CDH3: variants seen among roughly 807,000 people sequenced by gnomAD.
CDH3 encodes the protein cadherin 3, also known as cadherin-3.
CDH3 carries 54 observed loss-of-function variants against 82.0 expected under a neutral mutation model. That is an observed-to-expected ratio of 0.66 (90% CI 0.53 to 0.83). The LOEUF (loss-of-function observed/expected upper bound fraction) is 0.83. Ranked by LOEUF, CDH3 falls within the 40% of genes least tolerant of loss-of-function variation. The pLI, the probability that CDH3 is intolerant of heterozygous loss-of-function variation, is 0.00. For synonymous variants in CDH3, 446 were observed against 437.9 expected (o/e 1.02, Z -0.23); for missense variants, 1,054 against 1,084.6 (o/e 0.97, Z 0.40).
intron 2 of CDH3, among the ~76,000 whole-genome samples, chr16:68,669,684 A>G (rs551087044): frequency 1.1e-3 from 164 of 152,174 alleles, no homozygotes; most frequent in Admixed American, 2.2e-3. Context: ...AGGGGAGTCA[A>G]TCCATTAGCC....
intron 2 of CDH3, among the ~76,000 whole-genome samples, chr16:68,724,839 G>C (rs1213460719): frequency 1.3e-5 from 2 of 152,172 alleles, no homozygotes; most frequent in African/African-American, 4.8e-5. Context: ...GGTAAAATCA[G>C]AGAGCCCTTT....
At chr16:68,669,831 A>G (rs996078501) in intron 2 of CDH3, among the ~76,000 whole-genome samples, 15 of 152,212 alleles carry the variant, frequency 9.9e-5, no homozygotes, top group African/African-American at 2.9e-4. Flanking sequence ...TAGGATTGAG[A>G]AAAGTGGCCA....
At chr16:68,685,757 A>G (rs527245061) in intron 11 of CDH3, among the ~76,000 whole-genome samples, 1 of 152,240 alleles carries the variant, frequency 6.6e-6, no homozygotes, top group Non-Finnish European at 1.5e-5. Context: ...CAGTGAGCCA[A>G]GATCGTGCCA....
chr16:68,654,607 G>A (rs1160605254), intron 2 of CDH3, among the ~76,000 whole-genome samples: 1 of 144,396 alleles, frequency 6.9e-6, no homozygotes, highest in African/African-American at 2.5e-5. Flanking sequence ...GGAGGGTGAG[G>A]CAGGAGAATC....
downstream of CDH3, among the ~76,000 whole-genome samples, chr16:68,731,541 T>C (rs35003649): frequency 0.089 from 959 of 10,754 alleles, 95 homozygotes; most frequent in Middle Eastern, 0.17. Flanking sequence ...CACACACACA[T>C]ATATATATAT....
intron 1 of CDH3, among the ~76,000 whole-genome samples, chr16:68,718,570 T>C (rs1962120745): frequency 6.6e-6 from 1 of 152,006 alleles, no homozygotes; most frequent in Non-Finnish European, 1.5e-5. Context: ...TAACCCCAGC[T>C]ACTCGGGAGG....
At chr16:68,660,918 C>T (rs1960554847) in intron 2 of CDH3, among the ~76,000 whole-genome samples, 1 of 151,096 alleles carries the variant, frequency 6.6e-6, no homozygotes, top group Admixed American at 6.6e-5. Context: ...GAGATCCCGC[C>T]ACTGCACCCC....
intron 1 of CDH3, among the ~76,000 whole-genome samples, chr16:68,715,983 C>T (rs1295878236): frequency 6.6e-6 from 1 of 152,154 alleles, no homozygotes; most frequent in East Asian, 1.9e-4. Flanking sequence ...TAAGACTAAG[C>T]ATTGGCCAGG....
chr16:68,703,815 T>C (rs1188260822), downstream of CDH3, among the ~76,000 whole-genome samples: 1 of 151,856 alleles, frequency 6.6e-6, no homozygotes, highest in Non-Finnish European at 1.5e-5. Flanking sequence ...GGCATGGTGG[T>C]GCGTGCCTGT....
downstream of CDH3, among the ~76,000 whole-genome samples, chr16:68,729,037 G>T (rs1962256661): frequency 6.6e-6 from 1 of 152,172 alleles, no homozygotes; most frequent in South Asian, 2.1e-4. Flanking sequence ...GGGCACAGTG[G>T]CTCACACCTG....
intron 6 of CDH3, 134 bp downstream of exon 6, chr16:68,679,040 C>G (rs951291804): frequency 7.5e-5 from 66 of 885,822 alleles, no homozygotes; most frequent in Middle Eastern, 5.7e-4. Context: ...GATTTCCCCC[C>G]TTCCATCCCA....
chr16:68,678,867 G>A lies in CDH3; in HGVS notation c.652G>A (p.Asp218Asn). 6.2e-7 allele frequency: 1 copy of A among 1,614,040 alleles called. No homozygotes were observed. The highest frequency in any genetic ancestry group is 1.1e-5 in the South Asian group (1 of 91,080). The change falls in exon 6 of 16, where the codon GAC (aspartate) becomes AAC (asparagine). Residue 218 changes from aspartate (D) to asparagine (N), a missense_variant. Transcript: ENST00000264012. Reference sequence around the variant, plus strand: ...TGACCACAAGCCCAAGTTTACCCAGGACACCTTCCGAGGGAGTGTCTTAGA... The same window carrying A: ...TGACCACAAGCCCAAGTTTACCCAGAACACCTTCCGAGGGAGTGTCTTAGA... ...QNDHKPKFTQ[D>N]TFRGSVLEGV...
At chr16:68,650,037 G>GAA (rs370091979) in intron 2 of CDH3, among the ~76,000 whole-genome samples, 1 of 141,718 alleles carries the variant, frequency 7.1e-6, no homozygotes. Flanking sequence ...CCGCCTCAAA[G>GAA]AAAAAAAAAA....
intron 1 of CDH3, among the ~76,000 whole-genome samples, chr16:68,722,238 G>A (rs1401153226): frequency 6.6e-6 from 1 of 152,198 alleles, no homozygotes; most frequent in Non-Finnish European, 1.5e-5. Flanking sequence ...CACCAGCCAA[G>A]CATTTGTGCA....
At chr16:68,683,972 C>T (rs960576667) in intron 9 of CDH3, among the ~76,000 whole-genome samples, 3 of 148,918 alleles carry the variant, frequency 2.0e-5, no homozygotes, top group African/African-American at 7.5e-5. Flanking sequence ...GAGGCTGAGG[C>T]AGGAGAATCG....
intron 2 of CDH3, among the ~76,000 whole-genome samples, chr16:68,664,773 C>G (rs1960689369): frequency 6.6e-6 from 1 of 152,034 alleles, no homozygotes; most frequent in Non-Finnish European, 1.5e-5. Context: ...ATCCTCCCAC[C>G]TCAGCCTCTC....
At chr16:68,673,222 T>A (rs1282584958) in intron 2 of CDH3, among the ~76,000 whole-genome samples, 2 of 152,248 alleles carry the variant, frequency 1.3e-5, no homozygotes, top group African/African-American at 4.8e-5. Context: ...CAAATTGTTT[T>A]CCAAAGTGAT....
the CDH3 span, among the ~76,000 whole-genome samples, chr16:68,732,592 C>T: frequency 6.6e-6 from 1 of 152,214 alleles, no homozygotes; most frequent in Non-Finnish European, 1.5e-5. Flanking sequence ...TTCTTTTCCC[C>T]AGTGATGCCT....
chr16:68,686,356 A>G, intron 11 of CDH3: 1 of 1,039,800 alleles, frequency 9.6e-7, no homozygotes, highest in Non-Finnish European at 1.5e-6. Flanking sequence ...AGAGCAGAGT[A>G]CGAGTCTGAG....
Sources: gnomAD v4.1 joint callset for allele counts (sites outside exome capture counted in the v4.1 genomes callset) on GRCh38, gnomAD v4.1.1 for gene constraint, MANE v1.5 for transcripts, NCBI Gene and HGNC (gene_info 2026-07-23, HGNC 2026-07-21) for gene names.